ASTN2: variants seen among roughly 807,000 people sequenced by gnomAD.
ASTN2 encodes astrotactin-2.
ASTN2 carries 54 observed loss-of-function variants against 139.8 expected under a neutral mutation model. The ratio of observed to expected loss-of-function variants is 0.39; its 90% CI spans 0.31 to 0.48. The LOEUF (loss-of-function observed/expected upper bound fraction) is 0.48, where lower values mean the gene tolerates loss of function less well. Ranked by LOEUF, ASTN2 falls within the 20% of genes least tolerant of loss-of-function variation. The pLI, the probability that ASTN2 is intolerant of heterozygous loss-of-function variation, is 0.95. For missense variants in ASTN2, 1,565 were observed against 1,725.1 expected, an observed-to-expected ratio of 0.91 and a Z score of 1.64; for synonymous variants, 756 against 719.5, an observed-to-expected ratio of 1.05 and a Z score of -0.81.
chr9:117,029,543 C>T (rs543743385), intron 6 of ASTN2, among the ~76,000 whole-genome samples: 10 of 152,190 alleles, frequency 6.6e-5, no homozygotes, highest in Middle Eastern at 3.4e-3. Context: ...ACTGAGTCAT[C>T]ATTTATTGAC....
intron 10 of ASTN2, among the ~76,000 whole-genome samples, chr9:116,928,833 T>C (rs965421851): frequency 1.3e-5 from 2 of 152,192 alleles, no homozygotes; most frequent in Non-Finnish European, 2.9e-5. Context: ...GCATCTATTA[T>C]GTACTATGAG....
At chr9:116,773,617 C>T (rs1323074392) in intron 13 of ASTN2, among the ~76,000 whole-genome samples, 1 of 152,152 alleles carries the variant, frequency 6.6e-6, no homozygotes, top group East Asian at 1.9e-4. Flanking sequence ...TCTGAATATA[C>T]CACATACTGA....
chr9:117,173,838 A>C (rs986010468), intron 3 of ASTN2, among the ~76,000 whole-genome samples: 1 of 151,868 alleles, frequency 6.6e-6, no homozygotes, highest in South Asian at 2.1e-4. Flanking sequence ...GAATAAAGAA[A>C]ATATGATAAA....
intron 4 of ASTN2, among the ~76,000 whole-genome samples, chr9:117,137,634 C>T (rs914221789): frequency 2.6e-5 from 4 of 152,072 alleles, no homozygotes; most frequent in Non-Finnish European, 5.9e-5. Context: ...TACTGCAGGA[C>T]TTCTCAGAGT....
intron 2 of ASTN2, among the ~76,000 whole-genome samples, chr9:117,256,031 T>C (rs993416290): frequency 3.3e-5 from 5 of 152,154 alleles, no homozygotes; most frequent in African/African-American, 9.7e-5. Flanking sequence ...ATAAAATCCT[T>C]TCACTTGGAT....
chr9:117,392,003 A>G (rs1429480570), intron 1 of ASTN2, among the ~76,000 whole-genome samples: 3 of 152,172 alleles, frequency 2.0e-5, no homozygotes, highest in Non-Finnish European at 4.4e-5. Flanking sequence ...ATGCTGATAC[A>G]AGATGTAGGT....
intron 3 of ASTN2, among the ~76,000 whole-genome samples, chr9:117,201,231 C>T (rs1157762860): frequency 2.0e-5 from 3 of 152,102 alleles, no homozygotes; most frequent in African/African-American, 7.2e-5. Flanking sequence ...TCCTCTTTAT[C>T]ATTTTTTATT....
At chr9:116,724,013 G>A (rs1001925963) in intron 16 of ASTN2, among the ~76,000 whole-genome samples, 4 of 152,262 alleles carry the variant, frequency 2.6e-5, no homozygotes, top group African/African-American at 9.6e-5. Flanking sequence ...ACCATACAAG[G>A]AATGGGATTT....
chr9:116,802,189 C>T (rs1830881881), intron 13 of ASTN2, among the ~76,000 whole-genome samples: 1 of 150,804 alleles, frequency 6.6e-6, no homozygotes, highest in African/African-American at 2.4e-5. Context: ...CGGGTTTACG[C>T]CCTTCTCCTG....
At chr9:116,791,052 A>C (rs1331760646) in intron 13 of ASTN2, among the ~76,000 whole-genome samples, 1 of 151,668 alleles carries the variant, frequency 6.6e-6, no homozygotes, top group Non-Finnish European at 1.5e-5. Flanking sequence ...AGAAAAGAAA[A>C]GAAAGAAAGA....
At chr9:116,702,006 C>T (rs982248952) in intron 16 of ASTN2, among the ~76,000 whole-genome samples, 17 of 151,756 alleles carry the variant, frequency 1.1e-4, no homozygotes, top group Admixed American at 3.3e-4. Context: ...AGGTTTGTGC[C>T]GCTGAAGAAT....
At chr9:117,088,398 G>T (rs1828622044) in intron 5 of ASTN2, among the ~76,000 whole-genome samples, 1 of 152,078 alleles carries the variant, frequency 6.6e-6, no homozygotes, top group African/African-American at 2.4e-5. Flanking sequence ...GATCCATTTT[G>T]GGACTCATGG....
chr9:116,495,908 C>T (rs767432), intron 19 of ASTN2, among the ~76,000 whole-genome samples: 45,639 of 151,928 alleles, frequency 0.3, 7,346 homozygotes, highest in Admixed American at 0.41. Context: ...TCCTCACTCA[C>T]GCATTCCAGC....
At chr9:117,033,295 T>C (rs1252212999) in intron 6 of ASTN2, among the ~76,000 whole-genome samples, 2 of 152,136 alleles carry the variant, frequency 1.3e-5, no homozygotes, top group Non-Finnish European at 1.5e-5. Context: ...TTTTCTATGA[T>C]GGGGAACTCA....
intron 1 of ASTN2, among the ~76,000 whole-genome samples, chr9:117,403,833 A>C (rs567444370): frequency 5.9e-5 from 9 of 152,120 alleles, no homozygotes; most frequent in Admixed American, 4.6e-4. Context: ...ACAACCCCGG[A>C]ATTCCCTGCT....
intron 3 of ASTN2, among the ~76,000 whole-genome samples, chr9:117,198,047 G>GT (rs200025537): frequency 1.3e-4 from 20 of 150,936 alleles, no homozygotes; most frequent in African/African-American, 1.7e-4. Context: ...TGCCTATGTA[G>GT]TTTTTTTTTC....
intron 10 of ASTN2, among the ~76,000 whole-genome samples, chr9:116,897,408 C>G (rs1833903688): frequency 6.6e-6 from 1 of 152,178 alleles, no homozygotes; most frequent in South Asian, 2.1e-4. Flanking sequence ...TCAAGGATTA[C>G]AGGCCATTTA....
chr9:116,919,640 A>ATT (rs72054196), intron 10 of ASTN2, among the ~76,000 whole-genome samples: 13,353 of 113,444 alleles, frequency 0.12, 1,104 homozygotes, highest in East Asian at 0.31. Context: ...CAAAAACATC[A>ATT]TTTTTTTTTT....
intron 3 of ASTN2, among the ~76,000 whole-genome samples, chr9:117,144,755 C>T (rs1830156459): frequency 7.4e-6 from 1 of 135,234 alleles, no homozygotes; most frequent in Admixed American, 8.4e-5. Context: ...GATCTCAGCT[C>T]ACTGTAACCT....
Sources: allele counts gnomAD v4.1 joint callset (sites outside exome capture counted in the v4.1 genomes callset), GRCh38; gene constraint gnomAD v4.1.1; transcripts MANE v1.5; gene names NCBI Gene and HGNC (gene_info 2026-07-23, HGNC 2026-07-21).